SLC67A1: variants seen among roughly 807,000 people sequenced by gnomAD.
The protein encoded by SLC67A1 is solute carrier family 67 member 1.
At chr11:2,915,035 G>A in the SLC67A1 span, 2 of 985,316 alleles carry the variant, frequency 2.0e-6, no homozygotes, top group Admixed American at 6.1e-5. Context: ...CCTGGGCGGT[G>A]GGTGCTGCAG....
At chr11:2,921,851 G>A in the SLC67A1 span, 2 of 534,396 alleles carry the variant, frequency 3.7e-6, no homozygotes, top group South Asian at 2.7e-5. Flanking sequence ...CCCTGGTGTG[G>A]GCCTTTCCTT....
the SLC67A1 span, among the ~76,000 whole-genome samples, chr11:2,911,073 G>C: frequency 6.6e-6 from 1 of 152,124 alleles, no homozygotes; most frequent in Non-Finnish European, 1.5e-5. Flanking sequence ...CTCTACCGCT[G>C]GTGGCCAAGG....
At chr11:2,914,637 T>G in the SLC67A1 span, 5 of 901,326 alleles carry the variant, frequency 5.5e-6, no homozygotes, top group African/African-American at 1.8e-5. Context: ...GCACAGGCCT[T>G]TGGTTTACCC....
chr11:2,909,512 CGGGTCAGGGGGGG>C, the SLC67A1 span: 1 of 634,892 alleles, frequency 1.6e-6, no homozygotes, highest in Non-Finnish European at 2.0e-6. Flanking sequence ...TGTGGAGGGG[CGGGTCAGGGGGGG>C]AAGGGCCCCA....
chr11:2,900,931 C>G, the SLC67A1 span, among the ~76,000 whole-genome samples: 3 of 152,072 alleles, frequency 2.0e-5, no homozygotes, highest in Admixed American at 6.6e-5. Context: ...GGTCTTATGC[C>G]CTACAGTCAA....
chr11:2,903,560 G>A, the SLC67A1 span: 5 of 1,568,772 alleles, frequency 3.2e-6, no homozygotes, highest in Admixed American at 1.7e-5. Flanking sequence ...CCTCCATCTG[G>A]GCCGTCGCAG....
At chr11:2,920,853 A>C in the SLC67A1 span, 2 of 152,208 alleles carry the variant, frequency 1.3e-5, no homozygotes, top group African/African-American at 4.8e-5. Flanking sequence ...CCTGGATCTG[A>C]AGTCCTTCAC....
chr11:2,909,781 C>T, the SLC67A1 span: 3 of 1,370,460 alleles, frequency 2.2e-6, no homozygotes, highest in Admixed American at 9.9e-5. Flanking sequence ...CGCCCCGCCT[C>T]CTCTTGGCCT....
chr11:2,909,525 G>GGGGC, the SLC67A1 span: 1 of 795,086 alleles, frequency 1.3e-6, no homozygotes, highest in Non-Finnish European at 1.9e-6. Context: ...GTCAGGGGGG[G>GGGGC]AAGGGCCCCA....
the SLC67A1 span, among the ~76,000 whole-genome samples, chr11:2,907,692 G>A: frequency 6.6e-6 from 1 of 152,148 alleles, no homozygotes; most frequent in Non-Finnish European, 1.5e-5. The surrounding 1 kb of genome is among the most constrained non-coding windows in gnomAD (Gnocchi z 6.7). Context: ...GCAGGGGGAG[G>A]AGCGGCTGCA....
the SLC67A1 span, chr11:2,925,172 C>T: frequency 1.2e-6 from 2 of 1,613,474 alleles, no homozygotes; most frequent in Non-Finnish European, 1.7e-6. This position sits in a 1 kb window ranked among gnomAD's most constrained non-coding sequence, Gnocchi z 6.5. Flanking sequence ...AAACCTATGC[C>T]CCAGAGGAAG....
chr11:2,901,588 G>C, the SLC67A1 span, among the ~76,000 whole-genome samples: 1 of 152,254 alleles, frequency 6.6e-6, no homozygotes, highest in Non-Finnish European at 1.5e-5. Flanking sequence ...GCAGCGTGGG[G>C]TGTGTGTGCT....
At chr11:2,919,206 G>A in the SLC67A1 span, 2 of 808,378 alleles carry the variant, frequency 2.5e-6, no homozygotes, top group Admixed American at 1.9e-5. Flanking sequence ...ACCAGCCAGG[G>A]CCCAGACACC....
the SLC67A1 span, among the ~76,000 whole-genome samples, chr11:2,907,363 G>A: frequency 2.6e-5 from 4 of 152,198 alleles, no homozygotes; most frequent in African/African-American, 4.8e-5. This position sits in a 1 kb window ranked among gnomAD's most constrained non-coding sequence, Gnocchi z 6.7. Flanking sequence ...CACGGGGGAG[G>A]ATCCTTCCCA....
the SLC67A1 span, chr11:2,903,536 G>A: frequency 1.3e-5 from 21 of 1,603,106 alleles, no homozygotes; most frequent in Admixed American, 3.3e-5. Flanking sequence ...GGGCTGAACC[G>A]CTGTTCCTCC....
the SLC67A1 span, among the ~76,000 whole-genome samples, chr11:2,910,429 CCTGT>C: frequency 6.6e-6 from 1 of 152,038 alleles, no homozygotes; most frequent in African/African-American, 2.4e-5. Flanking sequence ...ATCACTAGGG[CCTGT>C]CTGAGGAGGC....
the SLC67A1 span, among the ~76,000 whole-genome samples, chr11:2,904,024 C>T: frequency 6.6e-6 from 1 of 152,240 alleles, no homozygotes; most frequent in Non-Finnish European, 1.5e-5. Context: ...ATCTCTGTTG[C>T]CAAATGCGGA....
the SLC67A1 span, chr11:2,902,795 G>C: frequency 1.0e-6 from 1 of 954,962 alleles, no homozygotes. Flanking sequence ...AAGCCCCTTG[G>C]AGCTCTGGCT....
the SLC67A1 span, chr11:2,919,333 A>G: frequency 6.2e-7 from 1 of 1,613,890 alleles, no homozygotes; most frequent in Non-Finnish European, 8.5e-7. Flanking sequence ...GTTCTCCATC[A>G]TCTCCATGGA....
Sources: gnomAD v4.1 joint callset for allele counts (sites outside exome capture counted in the v4.1 genomes callset) on GRCh38, gnomAD v4.1.1 for gene constraint, Gnocchi (gnomAD v3.1) non-coding constraint, MANE v1.5 for transcripts, NCBI Gene and HGNC (gene_info 2026-07-23, HGNC 2026-07-21) for gene names.